MYLK: variants seen among roughly 807,000 people sequenced by gnomAD.
MYLK encodes the protein myosin light chain kinase.
In MYLK, 106 loss-of-function variants were observed where a neutral mutation model predicts 203.4. That is an observed-to-expected ratio of 0.52 (90% CI 0.45 to 0.61). The LOEUF (loss-of-function observed/expected upper bound fraction) is 0.61, where lower values mean the gene tolerates loss of function less well. MYLK is among the 20% of genes least tolerant of loss of function. The probability of loss-of-function intolerance (pLI) is 0.00; values close to 1 mark genes in which losing one functional copy is unlikely to be tolerated. For missense variants in MYLK, 2,072 were observed against 2,442.3 expected (o/e 0.85, Z 3.20); for synonymous variants, 867 against 959.5 (o/e 0.90, Z 1.78).
intron 9 of MYLK, 23 bp from the exon 10 acceptor site, chr3:123,734,245 G>GGGGGGT: frequency 1.4e-5 from 7 of 489,638 alleles, no homozygotes; most frequent in East Asian, 8.4e-5. Context: ...GAGGGTGGGG[G>GGGGGGT]TAGGGTGGGT....
At chr3:123,715,051 A>AG (rs1360241339) in intron 13 of MYLK, among the ~76,000 whole-genome samples, 7 of 152,182 alleles carry the variant, frequency 4.6e-5, no homozygotes. Flanking sequence ...AAGCAAAGGA[A>AG]GGGGGAGAGA....
At chr3:123,752,696 A>G (rs2063239301) in intron 4 of MYLK, among the ~76,000 whole-genome samples, 158 bp from the exon 5 acceptor site, 1 of 152,174 alleles carries the variant, frequency 6.6e-6, no homozygotes, top group South Asian at 2.1e-4. Flanking sequence ...AGGTACAGAG[A>G]GTTTTGGCAA....
intron 13 of MYLK, among the ~76,000 whole-genome samples, chr3:123,713,132 G>A (rs1379516005): frequency 2.0e-5 from 3 of 152,190 alleles, no homozygotes; most frequent in African/African-American, 7.2e-5. Context: ...CGGCCGATCG[G>A]CAGACATTTA....
chr3:123,693,045 T>C (rs1015249334), intron 18 of MYLK, among the ~76,000 whole-genome samples, 194 bp from the exon 19 acceptor site: 3 of 152,100 alleles, frequency 2.0e-5, no homozygotes, highest in Admixed American at 1.3e-4. Flanking sequence ...CCAAAATAAC[T>C]GATCCCTAAA....
At chr3:123,698,699 T>C (rs56193997) in intron 18 of MYLK, 17,391 of 182,672 alleles carry the variant, frequency 0.095, 962 homozygotes, top group South Asian at 0.14. Context: ...GAAAATAACA[T>C]GTTTCTCTCT....
At chr3:123,699,762 T>C (rs2061102147) in intron 18 of MYLK, among the ~76,000 whole-genome samples, 1 of 152,208 alleles carries the variant, frequency 6.6e-6, no homozygotes, top group Non-Finnish European at 1.5e-5. Context: ...GATGTGGGCA[T>C]GTGCCACAAG....
chr3:123,778,374 G>A (rs796322823), intron 4 of MYLK, among the ~76,000 whole-genome samples: 21 of 152,080 alleles, frequency 1.4e-4, no homozygotes, highest in South Asian at 4.2e-4. Context: ...TTAGCCGAGC[G>A]TGGTGGCAGG....
chr3:123,842,496 A>G (rs572267616), intron 2 of MYLK, among the ~76,000 whole-genome samples: 2 of 152,346 alleles, frequency 1.3e-5, no homozygotes, highest in African/African-American at 4.8e-5. Context: ...ATAGACATAT[A>G]TAGAACCCTA....
chr3:123,638,088 C>G lies in MYLK; in HGVS notation c.4944G>C (p.Gly1648=). Residue 1648 remains glycine (G), a synonymous_variant, in exon 29 of 34, where the codon GGG becomes GGC. Transcript: ENST00000360304. ...IGYATDMWSI[G]VICYILVSGL... ...GGACTCACAGGATGTAGCAGATGAC[C>G]CCGATGCTCCACATGTCTGTGGCGT... is the stretch of plus-strand genomic sequence containing the variant. 1 of 1,614,100 alleles carries G rather than the reference C, an allele frequency of 6.2e-7. No homozygotes were observed. Among genetic ancestry groups the G allele is most frequent in the Non-Finnish European group, 8.5e-7 (1 of 1,180,030 alleles).
chr3:123,619,840 T>G (rs1205488775), intron 32 of MYLK, among the ~76,000 whole-genome samples: 1 of 152,256 alleles, frequency 6.6e-6, no homozygotes, highest in East Asian at 1.9e-4. Flanking sequence ...CAACTACATG[T>G]AATTTTAATG....
Position 123,704,077 on chromosome 3 carries a change from C to G in MYLK, c.2391-2568G>C, listed in dbSNP as rs77374369. On this transcript the variant is annotated intron_variant, in intron 16 of 33. Transcript: ENST00000360304. ...GGAGCACAGACTCAGACAAGCCTCTCAAGGGCTCCTGTCCAATCCAGCCCC... is the reference window on the plus strand; with the variant it reads ...GGAGCACAGACTCAGACAAGCCTCTGAAGGGCTCCTGTCCAATCCAGCCCC... Among the ~76,000 whole-genome samples the G allele has an allele frequency of 8.8e-3, 1,335 of 152,350 alleles. 10 individuals are homozygous for G. Among genetic ancestry groups the G allele is most frequent in the Middle Eastern group, 0.041 (12 of 294 alleles).
At chr3:123,855,222 T>A (rs1262443811) in intron 2 of MYLK, among the ~76,000 whole-genome samples, 1 of 152,162 alleles carries the variant, frequency 6.6e-6, no homozygotes, top group Admixed American at 6.6e-5. Context: ...TAGCTTTTAT[T>A]AAATAATGTT....
intron 19 of MYLK, chr3:123,691,343 T>G (rs891896593): frequency 2.0e-5 from 3 of 152,052 alleles, no homozygotes; most frequent in African/African-American, 7.2e-5. Context: ...GTGCAGAACC[T>G]CAAAATGTGT....
Position 123,851,534 on chromosome 3 carries a change from G to C in MYLK, c.-126-19864C>G, listed in dbSNP as rs2030800302. 6.6e-5 allele frequency among the ~76,000 whole-genome samples: 3 copies of C among 45,264 alleles called. No homozygotes were observed. The Admixed American group carries it at 8.6e-4, about 13-fold the overall frequency. The allele number at this position is 45,264 out of a possible 152,430, so 29.7% of individuals were successfully genotyped here. On this transcript the variant is annotated intron_variant, in intron 2 of 33. Transcript: ENST00000360304. ...GTGAATGGGAGTTCACTGATGATTT[G>C]CCTCTCTGTTTGTCTGTTATTGCTG...
In MYLK at chr3:123,793,695, G is replaced by A. The variant is rs200228058; in HGVS notation, c.147C>T (p.Thr49=). Residue 49 remains threonine, a synonymous_variant, in exon 4 of 34, where the codon ACC becomes ACT. Coordinates refer to ENST00000360304, the MANE Select transcript of MYLK (RefSeq NM_053025.4). The part of the protein sequence containing the change: ...PRNLCIKEGA[T]AKFEGRVRGY... ...TTCTTACCCGCCCTTCGAACTTGGC[G>A]GTGGCTCCTTCTTTGATGCAGAGGT... 2.8e-5 allele frequency: 45 copies of A among 1,614,022 alleles called. No homozygotes were observed. Among genetic ancestry groups the A allele is most frequent in the South Asian group, 2.3e-4 (21 of 91,088 alleles).
chr3:123,724,590 C>G (rs1275860686), intron 12 of MYLK, among the ~76,000 whole-genome samples: 1 of 152,120 alleles, frequency 6.6e-6, no homozygotes, highest in Non-Finnish European at 1.5e-5. Flanking sequence ...ATGGCACTTC[C>G]TCTTACTCAC....
intron 2 of MYLK, among the ~76,000 whole-genome samples, chr3:123,862,543 G>A (rs1206133933): frequency 1.3e-5 from 2 of 152,018 alleles, no homozygotes; most frequent in East Asian, 3.9e-4. Flanking sequence ...ACAGAGAGTA[G>A]GCATCCTAAA....
chr3:123,670,912 G>A (rs1485820161), intron 20 of MYLK, among the ~76,000 whole-genome samples: 5 of 152,212 alleles, frequency 3.3e-5, no homozygotes, highest in Admixed American at 2.6e-4. Context: ...CTAAGCTCAC[G>A]AGCTAAGGCT....
chr3:123,814,861 C>T (rs1824060), intron 3 of MYLK, among the ~76,000 whole-genome samples: 26,084 of 151,936 alleles, frequency 0.17, 2,797 homozygotes, highest in Non-Finnish European at 0.24. Context: ...GGCATGATCT[C>T]GGCTCACTGC....
Sources: gnomAD v4.1 joint callset for allele counts (sites outside exome capture counted in the v4.1 genomes callset) on GRCh38, gnomAD v4.1.1 for gene constraint, MANE v1.5 for transcripts, NCBI Gene and HGNC (gene_info 2026-07-23, HGNC 2026-07-21) for gene names.